The following TNKS2 variants were observed in gnomAD, a reference collection of about 807,000 sequenced individuals.
TNKS2 encodes the protein tankyrase 2.
In TNKS2, 72 loss-of-function variants were observed where a neutral mutation model predicts 137.6. The ratio of observed to expected loss-of-function variants is 0.52; its 90% CI spans 0.43 to 0.64. The LOEUF (loss-of-function observed/expected upper bound fraction) is 0.64, where lower values mean the gene tolerates loss of function less well. Among genes scored for constraint, TNKS2 ranks in the 30% least tolerant of loss-of-function variants. The pLI, the probability that TNKS2 is intolerant of heterozygous loss-of-function variation, is 0.00. For synonymous variants in TNKS2, 516 were observed against 512.1 expected, an observed-to-expected ratio of 1.01 and a Z score of -0.10; for missense variants, 1,049 against 1,410.2, an observed-to-expected ratio of 0.74 and a Z score of 4.10.
chr10:91,816,711 A>T (rs1400717063), intron 2 of TNKS2, among the ~76,000 whole-genome samples: 1 of 148,880 alleles, frequency 6.7e-6, no homozygotes, highest in African/African-American at 2.5e-5. Flanking sequence ...TAAAAATCCT[A>T]CATATCTCTG....
chr10:91,802,982 G>A (rs930359865), intron 1 of TNKS2, among the ~76,000 whole-genome samples: 1 of 152,176 alleles, frequency 6.6e-6, no homozygotes, highest in Non-Finnish European at 1.5e-5. Flanking sequence ...TGGATTTGGA[G>A]GTAGACAGTT....
chr10:91,803,164 G>A (rs1024179751), intron 1 of TNKS2, among the ~76,000 whole-genome samples: 7 of 152,134 alleles, frequency 4.6e-5, no homozygotes, highest in Non-Finnish European at 8.8e-5. Flanking sequence ...TGTATTCTTC[G>A]TTCTTAAGAA....
chr10:91,800,196 TAAGTC>T lies in TNKS2; in HGVS notation c.199+1310_199+1314del, dbSNP rs1844118381. 2.0e-5 allele frequency among the ~76,000 whole-genome samples: 3 copies of T among 152,194 alleles called. No individual in the cohort carries two copies. The South Asian group carries it at 6.2e-4, about 32-fold the overall frequency. On this transcript the variant is annotated intron_variant, in intron 1 of 26. Transcript: ENST00000371627. ...CAATGGAAAGAGAAGGAAGAATACTTAAGTCAAACACACCTAGTTAGCCTTTTTGC... is the reference window on the plus strand; with the variant it reads ...CAATGGAAAGAGAAGGAAGAATACTTAAACACACCTAGTTAGCCTTTTTGC...
intron 2 of TNKS2, among the ~76,000 whole-genome samples, chr10:91,815,804 C>T (rs1254190694): frequency 6.6e-6 from 1 of 152,014 alleles, no homozygotes; most frequent in East Asian, 1.9e-4. Context: ...AATGGAAATT[C>T]ACCCTATCAA....
chr10:91,851,133 A>G, intron 20 of TNKS2, 83 bp from the exon 21 acceptor site: 2 of 1,485,350 alleles, frequency 1.3e-6, no homozygotes, highest in Non-Finnish European at 9.2e-7. Flanking sequence ...AAATGTGTGA[A>G]TCTTACATAT....
chr10:91,828,556 T>A, intron 9 of TNKS2, 150 bp downstream of exon 9: 1 of 843,212 alleles, frequency 1.2e-6, no homozygotes, highest in Non-Finnish European at 1.7e-6. Context: ...ATTTAAACAG[T>A]ACCAAAAAAT....
At chr10:91,859,025 A>G (rs914188571) in intron 24 of TNKS2, among the ~76,000 whole-genome samples, 1 of 152,204 alleles carries the variant, frequency 6.6e-6, no homozygotes, top group Non-Finnish European at 1.5e-5. Flanking sequence ...ATTTAAAAAA[A>G]AAAAGAATGT....
At chr10:91,830,461 G>T (rs1006038814) in intron 9 of TNKS2, among the ~76,000 whole-genome samples, 11 of 152,034 alleles carry the variant, frequency 7.2e-5, no homozygotes, top group Non-Finnish European at 4.4e-5. Flanking sequence ...CAGGTGACCC[G>T]CCTGCCTCGG....
intron 1 of TNKS2, among the ~76,000 whole-genome samples, chr10:91,812,519 T>TCCCCCA (rs1270507368): frequency 6.6e-6 from 1 of 152,136 alleles, no homozygotes; most frequent in Non-Finnish European, 1.5e-5. Flanking sequence ...CTTCTTGTAG[T>TCCCCCA]CCCCCAGTTT....
intron 1 of TNKS2, chr10:91,807,068 G>A (rs1265060884): frequency 1.5e-6 from 2 of 1,342,842 alleles, no homozygotes; most frequent in Non-Finnish European, 2.1e-6. Context: ...TGACCTCTAA[G>A]CTTCTGAACA....
chr10:91,854,816 T>C (rs1172095551), intron 21 of TNKS2, among the ~76,000 whole-genome samples: 1 of 150,218 alleles, frequency 6.7e-6, no homozygotes, highest in Non-Finnish European at 1.5e-5. Flanking sequence ...GGCAGGAGAA[T>C]CGCTTGAACC....
intron 11 of TNKS2, among the ~76,000 whole-genome samples, chr10:91,831,660 G>T (rs911279658): frequency 9.2e-5 from 14 of 152,140 alleles, no homozygotes; most frequent in African/African-American, 3.4e-4. Context: ...CCCCATGTTG[G>T]TAAGTTACTG....
In TNKS2 at chr10:91,842,349, C is replaced by G; in HGVS notation, c.2017C>G (p.Arg673Gly). ...GTCTTCTCCTGATAATGTAAATTGC[C>G]GCGATACCCAAGGCAGACATTCAAC... ...KLSSPDNVNC[R>G]DTQGRHSTPL... Residue 673 changes from arginine (R) to glycine (G), a missense_variant, in exon 16 of 27, where the codon CGC becomes GGC. Arg to Gly is a moderately radical substitution (Grantham distance 125, BLOSUM62 -2). Around this residue, in one of 6 missense-constraint regions of TNKS2, gnomAD observed 328 missense variants for 436.0 expected, o/e 0.75. Transcript: ENST00000371627. The G allele has an allele frequency of 6.2e-7, 1 of 1,614,048 alleles. No individual in the cohort carries two copies. Among genetic ancestry groups the G allele is most frequent in the Non-Finnish European group, 8.5e-7 (1 of 1,179,964 alleles).
intron 26 of TNKS2, 22 bp from the exon 27 acceptor site, chr10:91,862,915 T>C (rs1225582976): frequency 2.5e-6 from 4 of 1,571,602 alleles, no homozygotes; most frequent in Non-Finnish European, 3.5e-6. Context: ...TACCATTATT[T>C]GAATTTATCT....
Position 91,857,507 on chromosome 10 carries a change from C to T in TNKS2, c.3071C>T (p.Ala1024Val). ...GTTTCTGAAGAAAACCACAACCATG[C>T]CAATGAACGAATGCTATTTCATGGT... ...KEVSEENHNH[A>V]NERMLFHGSP... Residue 1024 changes from alanine to valine, a missense_variant, in exon 24 of 27, where the codon GCC (alanine) becomes GTC (valine). Physicochemically the swap from Ala to Val is moderately conservative, Grantham distance 64. Transcript: ENST00000371627. 1 of 1,610,332 alleles carries T rather than the reference C, an allele frequency of 6.2e-7. No individual in the cohort carries two copies. Among genetic ancestry groups the T allele is most frequent in the Non-Finnish European group, 8.5e-7 (1 of 1,177,458 alleles).
chr10:91,852,543 G>A (rs1156564039), intron 21 of TNKS2, among the ~76,000 whole-genome samples: 1 of 152,270 alleles, frequency 6.6e-6, no homozygotes, highest in African/African-American at 2.4e-5. Context: ...CTGGTTGACA[G>A]AGCGAGACTC....
chr10:91,818,439 AATCAGT>A (rs1844780532), intron 3 of TNKS2, among the ~76,000 whole-genome samples: 1 of 152,214 alleles, frequency 6.6e-6, no homozygotes, highest in African/African-American at 2.4e-5. Context: ...GATTATGTTT[AATCAGT>A]GATGCTATAG....
At chr10:91,854,110 T>C (rs1005050113) in intron 21 of TNKS2, among the ~76,000 whole-genome samples, 4 of 151,030 alleles carry the variant, frequency 2.6e-5, no homozygotes, top group Admixed American at 6.6e-5. Flanking sequence ...TGGGACAGAA[T>C]ATACATTCAA....
Position 91,863,815 on chromosome 10 carries a change from C to G in TNKS2, c.*816C>G, listed in dbSNP as rs1394541924. ...TGTTGGAAAATTTTCTGCAGTCCTT[C>G]TGTGAAAATTAGAGCAAAGTGCTCC... On this transcript the variant is annotated 3_prime_UTR_variant, in exon 27 of 27. Coordinates refer to ENST00000371627, the MANE Select transcript of TNKS2 (RefSeq NM_025235.4). 1 of 152,128 alleles carries G rather than the reference C, an allele frequency of 6.6e-6. No homozygotes were observed. Among genetic ancestry groups the G allele is most frequent in the East Asian group, 1.9e-4 (1 of 5,202 alleles). 9.4% of individuals were successfully genotyped at this position (152,128 alleles called of 1,614,324 possible). A position where few individuals can be genotyped will look rare whatever the true frequency, so the allele number is the denominator to read the frequency against.
Sources: allele counts gnomAD v4.1 joint callset (sites outside exome capture counted in the v4.1 genomes callset), GRCh38; gene constraint gnomAD v4.1.1; regional missense constraint gnomAD v4.1.1; transcripts MANE v1.5; gene names NCBI Gene and HGNC (gene_info 2026-07-23, HGNC 2026-07-21).